GALNTL6: variants seen among roughly 807,000 people sequenced by gnomAD.
GALNTL6 encodes polypeptide N-acetylgalactosaminyltransferase-like 6.
In GALNTL6, 46 loss-of-function variants were observed where a neutral mutation model predicts 73.7. The observed-to-expected ratio is 0.62, with a 90% confidence interval of 0.49 to 0.80. GALNTL6 has a LOEUF of 0.80. Among genes scored for constraint, GALNTL6 ranks in the 30% least tolerant of loss-of-function variants. The probability of loss-of-function intolerance (pLI) is 0.00; values close to 1 mark genes in which losing one functional copy is unlikely to be tolerated. For synonymous variants in GALNTL6, 259 were observed against 263.7 expected, an observed-to-expected ratio of 0.98 and a Z score of 0.17; for missense variants, 604 against 755.0, an observed-to-expected ratio of 0.80 and a Z score of 2.34.
intron 5 of GALNTL6, among the ~76,000 whole-genome samples, chr4:172,568,532 G>A (rs1262473061): frequency 2.0e-5 from 3 of 151,822 alleles, no homozygotes; most frequent in Non-Finnish European, 2.9e-5. Context: ...CGAGGCGGGC[G>A]GATCACGAGG....
At chr4:172,596,074 T>G (rs1169285814) in intron 5 of GALNTL6, among the ~76,000 whole-genome samples, 1 of 152,198 alleles carries the variant, frequency 6.6e-6, no homozygotes. Context: ...TAAATACGAC[T>G]TTTCTTTTTA....
intron 5 of GALNTL6, among the ~76,000 whole-genome samples, chr4:172,571,294 A>C (rs931800698): frequency 2.6e-5 from 4 of 152,224 alleles, no homozygotes; most frequent in African/African-American, 9.6e-5. Context: ...TAATGTTTTT[A>C]TCTTTTTGTG....
chr4:172,528,963 A>ATATATATATATATATATATATATATG lies in GALNTL6; in HGVS notation c.553+180275_553+180276insATATATATATATATATATATATATGT, dbSNP rs1350827830. On this transcript the variant is annotated intron_variant, in intron 5 of 12. Transcript: ENST00000506823. ...TGTTTTCCCAAAGGCATATATATAT[A>ATATATATATATATATATATATATATG]TGTGTGTGTATATTTATACATATGT... 8.3e-4 allele frequency among the ~76,000 whole-genome samples: 25 copies of ATATATATATATATATATATATATATG among 30,198 alleles called. 2 individuals are homozygous for ATATATATATATATATATATATATATG. The highest frequency in any genetic ancestry group is 5.3e-3 in the South Asian group (2 of 374). The allele number at this position is 30,198 out of a possible 152,430, so 19.8% of individuals were successfully genotyped here.
intron 5 of GALNTL6, among the ~76,000 whole-genome samples, chr4:172,354,927 C>A (rs541081151): frequency 4.6e-5 from 7 of 151,956 alleles, no homozygotes; most frequent in Non-Finnish European, 8.8e-5. Context: ...TCCTGAAGTG[C>A]GAATGTGAAT....
chr4:172,944,509 G>A (rs1749064409), intron 9 of GALNTL6, among the ~76,000 whole-genome samples: 1 of 152,102 alleles, frequency 6.6e-6, no homozygotes, highest in African/African-American at 2.4e-5. Flanking sequence ...AATGCTAATG[G>A]GAATGTAAAA....
At chr4:172,675,346 G>A (rs1298687060) in intron 5 of GALNTL6, among the ~76,000 whole-genome samples, 1 of 152,212 alleles carries the variant, frequency 6.6e-6, no homozygotes, top group South Asian at 2.1e-4. Context: ...CCACTGCGCT[G>A]TGAAGGCCAA....
chr4:172,831,382 T>G (rs2111055272), intron 7 of GALNTL6, among the ~76,000 whole-genome samples: 1 of 152,158 alleles, frequency 6.6e-6, no homozygotes, highest in Non-Finnish European at 1.5e-5. Context: ...ATTCACCGAG[T>G]GTACTGCAGA....
At chr4:172,311,782 G>A in intron 4 of GALNTL6, 30 bp downstream of exon 4, 4 of 1,463,316 alleles carry the variant, frequency 2.7e-6, no homozygotes, top group Admixed American at 2.4e-5. Flanking sequence ...TGATCAGGGT[G>A]GGTTTTTTTG....
rs575571709 is a variant in GALNTL6, at chr4:172,748,303, A to C, written c.554-61058A>C. The stretch of plus-strand genomic sequence containing the variant: ...ATTCCATCGCAGTACGCACTCACAC[A>C]CACACCCACACTCAGACTGGGACAA... On this transcript the variant is annotated intron_variant, in intron 5 of 12. Coordinates refer to ENST00000506823, the MANE Select transcript of GALNTL6 (RefSeq NM_001034845.3). Among the ~76,000 whole-genome samples the C allele has an allele frequency of 6.7e-4, 102 of 152,198 alleles. 1 individual carries two copies. Among genetic ancestry groups the C allele is most frequent in the African/African-American group, 2.5e-3 (102 of 41,520 alleles).
intron 5 of GALNTL6, among the ~76,000 whole-genome samples, chr4:172,719,733 T>G (rs926067566): frequency 6.6e-6 from 1 of 151,998 alleles, no homozygotes; most frequent in Non-Finnish European, 1.5e-5. Context: ...TTGGGTCATG[T>G]GCAAGAAAGA....
intron 4 of GALNTL6, among the ~76,000 whole-genome samples, chr4:172,330,913 T>G (rs1046832001): frequency 3.9e-5 from 6 of 152,164 alleles, no homozygotes; most frequent in African/African-American, 1.2e-4. Context: ...TTCCAGATGT[T>G]CAAGTTTACT....
intron 2 of GALNTL6, among the ~76,000 whole-genome samples, chr4:172,213,971 G>C (rs957296402): frequency 1.3e-5 from 2 of 152,102 alleles, no homozygotes; most frequent in Non-Finnish European, 2.9e-5. Flanking sequence ...TTTTGTGAAA[G>C]ATATGAAATT....
At chr4:171,867,800 C>G (rs1025736010) in intron 2 of GALNTL6, among the ~76,000 whole-genome samples, 6 of 152,156 alleles carry the variant, frequency 3.9e-5, no homozygotes, top group Admixed American at 2.6e-4. Flanking sequence ...TCTGTATGAT[C>G]TTGGCTCTGC....
chr4:172,939,475 G>T (rs1409973418), intron 9 of GALNTL6, among the ~76,000 whole-genome samples: 1 of 152,068 alleles, frequency 6.6e-6, no homozygotes, highest in Non-Finnish European at 1.5e-5. Context: ...TAAATACTAT[G>T]AGTTCATTGC....
chr4:172,250,215 C>T (rs182173830), intron 3 of GALNTL6, among the ~76,000 whole-genome samples: 273 of 152,164 alleles, frequency 1.8e-3, no homozygotes, highest in African/African-American at 6.0e-3. Flanking sequence ...GGCCTGTGGC[C>T]CCTCTGTTTT....
intron 5 of GALNTL6, among the ~76,000 whole-genome samples, chr4:172,356,955 T>C (rs918752684): frequency 5.3e-5 from 8 of 152,170 alleles, no homozygotes; most frequent in Admixed American, 3.3e-4. Flanking sequence ...CACAATTATA[T>C]AGACATTCTA....
At chr4:171,907,742 C>A (rs1307995464) in intron 2 of GALNTL6, among the ~76,000 whole-genome samples, 1 of 151,216 alleles carries the variant, frequency 6.6e-6, no homozygotes, top group Non-Finnish European at 1.5e-5. Flanking sequence ...TGACTTCAAA[C>A]TATACTACAA....
rs919228097 is a variant in GALNTL6 at position 172,055,550 on chromosome 4, A to T, written c.139-174106A>T. Among the ~76,000 whole-genome samples the T allele has an allele frequency of 2.0e-5, 3 of 151,712 alleles. No individual in the cohort carries two copies. In the East Asian group the frequency reaches 5.8e-4, roughly 30 times the overall value. ...GCCTAGAAATCAAATTGAGACTTCC[A>T]TTTTTTTTCCCACCCTTTTCCCAAA... On this transcript the variant is annotated intron_variant, in intron 2 of 12. Coordinates refer to ENST00000506823, the MANE Select transcript of GALNTL6 (RefSeq NM_001034845.3).
intron 10 of GALNTL6, among the ~76,000 whole-genome samples, chr4:172,975,317 C>A (rs1440194050): frequency 6.6e-6 from 1 of 152,162 alleles, no homozygotes; most frequent in Non-Finnish European, 1.5e-5. Context: ...TGGGCAGCTT[C>A]TATCTGCAGG....
Sources: allele counts gnomAD v4.1 joint callset (sites outside exome capture counted in the v4.1 genomes callset), GRCh38; gene constraint gnomAD v4.1.1; transcripts MANE v1.5; gene names NCBI Gene and HGNC (gene_info 2026-07-23, HGNC 2026-07-21).